The following LRP1B variants were observed in gnomAD, a reference collection of about 807,000 sequenced individuals.
LRP1B encodes LDL receptor related protein 1B, also known as low-density lipoprotein receptor-related protein 1B.
LRP1B carries 217 observed loss-of-function variants against 556.6 expected under a neutral mutation model. That is an observed-to-expected ratio of 0.39 (90% confidence interval 0.35 to 0.44). The LOEUF is 0.44. Among genes scored for constraint, LRP1B ranks in the 20% least tolerant of loss-of-function variants. The pLI, the probability that LRP1B is intolerant of heterozygous loss-of-function variation, is 1.00. For synonymous variants in LRP1B, 2,047 were observed against 1,865.8 expected (o/e 1.10, Z -2.50); for missense variants, 5,053 against 5,620.8 (o/e 0.90, Z 3.23).
At chr2:140,924,660 T>G (rs570491613) in intron 20 of LRP1B, among the ~76,000 whole-genome samples, 10 of 152,108 alleles carry the variant, frequency 6.6e-5, no homozygotes, top group East Asian at 1.9e-4. Context: ...TAAGAACACA[T>G]GCAATAATAA....
intron 1 of LRP1B, among the ~76,000 whole-genome samples, chr2:141,926,237 G>T (rs1387625347): frequency 6.6e-6 from 1 of 152,166 alleles, no homozygotes; most frequent in African/African-American, 2.4e-5. Context: ...TTGCGAGAAA[G>T]CTAGATATCT....
intron 3 of LRP1B, among the ~76,000 whole-genome samples, chr2:141,304,665 TA>T (rs1686520704): frequency 6.6e-6 from 1 of 150,976 alleles, no homozygotes; most frequent in African/African-American, 2.4e-5. Context: ...TCTATATATA[TA>T]TATTTTTTAT....
Position 141,519,785 on chromosome 2 carries a change from T to A in LRP1B, c.206-39252A>T, listed in dbSNP as rs116643481. The stretch of plus-strand genomic sequence containing the variant: ...TCAGACTGAGTAGGAAAAAAAGCGT[T>A]CTTTCTTGCCAGTAGCCTCATCTAT... On this transcript the variant is annotated intron_variant, in intron 2 of 90. Transcript: ENST00000389484. 5.7e-3 allele frequency among the ~76,000 whole-genome samples: 870 copies of A among 152,192 alleles called. 14 individuals carry two copies. Among genetic ancestry groups the A allele is most frequent in the African/African-American group, 0.02 (833 of 41,544 alleles).
Position 142,107,794 on chromosome 2 carries a change from A to AT in LRP1B, c.82+22853dup, listed in dbSNP as rs67962280. On this transcript the variant is annotated intron_variant, in intron 1 of 90. Transcript: ENST00000389484. ...AGGCACCCACCACCACGCCTAGCTA[A>AT]TTTTTTTTTTTTTTTTTTTTTTTGT... 7.5e-3 allele frequency among the ~76,000 whole-genome samples: 829 copies of AT among 110,548 alleles called. 5 individuals carry two copies. The highest frequency in any genetic ancestry group is 0.014 in the South Asian group (45 of 3,278). 72.5% of individuals were successfully genotyped at this position (110,548 alleles called of 152,430 possible).
chr2:141,655,192 T>A (rs1259835366), intron 2 of LRP1B, among the ~76,000 whole-genome samples: 1 of 152,186 alleles, frequency 6.6e-6, no homozygotes, highest in Non-Finnish European at 1.5e-5. Flanking sequence ...TATCAAAATT[T>A]GATCTCCTTG....
intron 18 of LRP1B, among the ~76,000 whole-genome samples, chr2:140,975,710 T>C (rs1290742146): frequency 6.6e-6 from 1 of 152,186 alleles, no homozygotes; most frequent in Non-Finnish European, 1.5e-5. Context: ...TTCATGTCAA[T>C]ATTCCACTGG....
chr2:141,414,237 CAAAAA>C (rs775634408), intron 3 of LRP1B, among the ~76,000 whole-genome samples: 1 of 35,402 alleles, frequency 2.8e-5, no homozygotes, highest in Non-Finnish European at 5.7e-5. Flanking sequence ...GACTCTATCT[CAAAAA>C]AAAAAAAAAA....
intron 1 of LRP1B, among the ~76,000 whole-genome samples, chr2:142,097,385 G>T (rs1284847291): frequency 6.7e-6 from 1 of 148,716 alleles, no homozygotes; most frequent in East Asian, 2.0e-4. Flanking sequence ...TATAAAGAAA[G>T]CATTGCATTT....
At chr2:141,037,084 T>G (rs369817960) in intron 11 of LRP1B, among the ~76,000 whole-genome samples, 1 of 151,786 alleles carries the variant, frequency 6.6e-6, no homozygotes. Flanking sequence ...CATTCTACCA[T>G]TGAGAGAAGG....
chr2:141,252,163 T>G (rs1426919111), intron 4 of LRP1B, among the ~76,000 whole-genome samples: 1 of 151,760 alleles, frequency 6.6e-6, no homozygotes, highest in Non-Finnish European at 1.5e-5. Context: ...ACTATGGGGT[T>G]GCCTTTCTCC....
intron 22 of LRP1B, among the ~76,000 whole-genome samples, chr2:140,905,567 T>A (rs1432952117): frequency 6.6e-6 from 1 of 151,770 alleles, no homozygotes; most frequent in Non-Finnish European, 1.5e-5. Context: ...CCAGTGGGGG[T>A]CTTACTCTTA....
chr2:141,490,930 GTTTTTT>G (rs67482957), intron 2 of LRP1B, among the ~76,000 whole-genome samples: 19,078 of 135,394 alleles, frequency 0.14, 1,725 homozygotes, highest in African/African-American at 0.27. Flanking sequence ...AGGTTAAAAT[GTTTTTT>G]TTTTTTTTTT....
chr2:141,885,721 A>T (rs911950434), intron 1 of LRP1B, among the ~76,000 whole-genome samples: 7 of 152,324 alleles, frequency 4.6e-5, no homozygotes, highest in African/African-American at 1.7e-4. Flanking sequence ...TTGAAAACCT[A>T]GGGGACAGGA....
chr2:141,142,956 T>C (rs965447787), intron 7 of LRP1B, among the ~76,000 whole-genome samples: 6 of 143,992 alleles, frequency 4.2e-5, no homozygotes, highest in Non-Finnish European at 7.5e-5. Context: ...GACAGAGTCT[T>C]GTTCTGTCGT....
At chr2:140,252,078 A>AC (rs1681454113) in intron 86 of LRP1B, among the ~76,000 whole-genome samples, 2 of 136,718 alleles carry the variant, frequency 1.5e-5, no homozygotes, top group East Asian at 4.0e-4. Flanking sequence ...AAAAAAAAAA[A>AC]AAAAAAAAAA....
intron 31 of LRP1B, among the ~76,000 whole-genome samples, chr2:140,837,993 A>T (rs1361021008): frequency 1.3e-5 from 2 of 152,174 alleles, no homozygotes; most frequent in Non-Finnish European, 2.9e-5. Flanking sequence ...GCCAGCTATA[A>T]ATTGTGAATA....
intron 59 of LRP1B, among the ~76,000 whole-genome samples, chr2:140,481,869 C>G (rs1349727299): frequency 6.6e-6 from 1 of 151,940 alleles, no homozygotes; most frequent in Non-Finnish European, 1.5e-5. Flanking sequence ...TGTATAAGTT[C>G]CTTGTAATTT....
intron 7 of LRP1B, among the ~76,000 whole-genome samples, chr2:141,180,043 A>C (rs1395768301): frequency 1.3e-5 from 2 of 151,676 alleles, no homozygotes; most frequent in Non-Finnish European, 2.9e-5. Flanking sequence ...GTGTTTGCAA[A>C]CCAAGATTCT....
At chr2:141,143,985 G>T (rs1304438441) in intron 7 of LRP1B, among the ~76,000 whole-genome samples, 1 of 152,038 alleles carries the variant, frequency 6.6e-6, no homozygotes. Context: ...TGCCATGAGG[G>T]AAAAGCATTC....
Sources: allele counts gnomAD v4.1 joint callset (sites outside exome capture counted in the v4.1 genomes callset), GRCh38; gene constraint gnomAD v4.1.1; transcripts MANE v1.5; gene names NCBI Gene and HGNC (gene_info 2026-07-23, HGNC 2026-07-21).